Variants in ADAMTS16 observed in about 807,000 individuals in gnomAD.
ADAMTS16 encodes A disintegrin and metalloproteinase with thrombospondin motifs 16.
In ADAMTS16, 94 loss-of-function variants were observed where a neutral mutation model predicts 145.8. The ratio of observed to expected loss-of-function variants is 0.64; its 90% CI spans 0.55 to 0.77. The LOEUF (loss-of-function observed/expected upper bound fraction) is 0.77. Among genes scored for constraint, ADAMTS16 ranks in the 30% least tolerant of loss-of-function variants. The pLI, the probability that ADAMTS16 is intolerant of heterozygous loss-of-function variation, is 0.00. For missense variants in ADAMTS16, 1,585 were observed against 1,591.5 expected (o/e 1.00, Z 0.07); for synonymous variants, 659 against 604.3 (o/e 1.09, Z -1.33).
chr5:5,269,171 C>G lies in ADAMTS16; in HGVS notation c.2789+6388C>G, dbSNP rs375514503. Among the ~76,000 whole-genome samples, 5 of 152,076 alleles carry G rather than the reference C, an allele frequency of 3.3e-5. No individual in the cohort carries two copies. Among genetic ancestry groups the G allele is most frequent in the African/African-American group, 1.2e-4 (5 of 41,396 alleles). On this transcript the variant is annotated intron_variant, in intron 18 of 22. Transcript: ENST00000274181. This position sits in a 1 kb window ranked among gnomAD's most constrained non-coding sequence, Gnocchi z 4.3. ...CTCACTGCATGGCTGATCGTCCCAC[C>G]GCTCACTGCCCAGGACCCCGGAGCC... is the stretch of plus-strand genomic sequence containing the variant.
At chr5:5,311,982 G>A (rs906884445) in intron 21 of ADAMTS16, among the ~76,000 whole-genome samples, 1 of 152,182 alleles carries the variant, frequency 6.6e-6, no homozygotes, top group African/African-American at 2.4e-5. Flanking sequence ...CTCCCAAAGT[G>A]CTGGGATTAC....
intron 8 of ADAMTS16, among the ~76,000 whole-genome samples, chr5:5,198,264 C>A (rs373254002): frequency 3.9e-5 from 6 of 152,268 alleles, no homozygotes; most frequent in African/African-American, 1.4e-4. Flanking sequence ...AGGATTTCAG[C>A]CTGAATCTTT....
At chr5:5,216,249 G>A (rs1355641190) in intron 10 of ADAMTS16, among the ~76,000 whole-genome samples, 1 of 152,108 alleles carries the variant, frequency 6.6e-6, no homozygotes, top group Non-Finnish European at 1.5e-5. Context: ...GCAGGAGTAA[G>A]TGGTATTGCA....
chr5:5,316,869 C>T (rs148062425), intron 21 of ADAMTS16, among the ~76,000 whole-genome samples: 3 of 152,320 alleles, frequency 2.0e-5, no homozygotes, highest in Non-Finnish European at 2.9e-5. Flanking sequence ...ACTTCTTTCA[C>T]GCTAGGCTCA....
chr5:5,285,522 C>A (rs548229461), intron 18 of ADAMTS16, among the ~76,000 whole-genome samples: 6 of 152,222 alleles, frequency 3.9e-5, no homozygotes, highest in Non-Finnish European at 8.8e-5. Context: ...ATTTCTGCAC[C>A]TGTTTATTAA....
At chr5:5,304,555 C>G (rs1304202103) in intron 20 of ADAMTS16, among the ~76,000 whole-genome samples, 1 of 152,088 alleles carries the variant, frequency 6.6e-6, no homozygotes, top group Non-Finnish European at 1.5e-5. Flanking sequence ...GAAAGCTCCT[C>G]CCTGATCCCA....
Position 5,146,121 on chromosome 5 carries a change from T to G in ADAMTS16, c.176-9T>G. 6.2e-7 allele frequency: 1 copy of G among 1,608,652 alleles called. No individual in the cohort carries two copies. On this transcript the variant is annotated splice_polypyrimidine_tract_variant and intron_variant, in intron 2 of 22. Coordinates refer to ENST00000274181, the MANE Select transcript of ADAMTS16 (RefSeq NM_139056.4). ...ATGACTCAGCCTCTGCTCACTCTTTTGATTTCAGAATATGACCTGGTCTCT... is the reference window on the plus strand; with the variant it reads ...ATGACTCAGCCTCTGCTCACTCTTTGGATTTCAGAATATGACCTGGTCTCT...
At chr5:5,295,159 T>G (rs964000981) in intron 18 of ADAMTS16, among the ~76,000 whole-genome samples, 2 of 152,238 alleles carry the variant, frequency 1.3e-5, no homozygotes, top group Admixed American at 1.3e-4. Flanking sequence ...TCATAAAACA[T>G]GCTCATTGCA....
intron 18 of ADAMTS16, among the ~76,000 whole-genome samples, chr5:5,266,694 T>A (rs1299513043): frequency 2.0e-5 from 3 of 152,104 alleles, no homozygotes; most frequent in Admixed American, 1.3e-4. Flanking sequence ...GGAAGGGAGC[T>A]CTCCTCCTCC....
rs1430645956 is a variant in ADAMTS16 at position 5,182,024 on chromosome 5, T to C, written c.502-20T>C. 6.3e-7 allele frequency: 1 copy of C among 1,578,934 alleles called. No individual in the cohort carries two copies. Among genetic ancestry groups the C allele is most frequent in the Non-Finnish European group, 8.6e-7 (1 of 1,163,120 alleles). On this transcript the variant is annotated intron_variant, in intron 3 of 22. Coordinates refer to ENST00000274181, the MANE Select transcript of ADAMTS16 (RefSeq NM_139056.4). ...AGAAAGTCTAATTGTGTTTTCTTTC[T>C]TTCCTTTTATTTTTTCCAGTCAGGC...
chr5:5,275,883 C>T (rs987885049), intron 18 of ADAMTS16, among the ~76,000 whole-genome samples: 114 of 148,114 alleles, frequency 7.7e-4, no homozygotes, highest in Non-Finnish European at 1.2e-3. Flanking sequence ...TTTTTTAAGA[C>T]GGCGTCGTAC....
chr5:5,160,812 A>G (rs1325975732), intron 3 of ADAMTS16, among the ~76,000 whole-genome samples: 4 of 151,422 alleles, frequency 2.6e-5, no homozygotes, highest in African/African-American at 9.7e-5. Flanking sequence ...ACATGTGTGC[A>G]CCATTGGCTG....
At chr5:5,245,680 A>C (rs1459250123) in intron 17 of ADAMTS16, among the ~76,000 whole-genome samples, 1 of 152,192 alleles carries the variant, frequency 6.6e-6, no homozygotes, top group African/African-American at 2.4e-5. Flanking sequence ...TTCATTCCAG[A>C]AACATTACTT....
At chr5:5,245,300 A>T (rs981661835) in intron 17 of ADAMTS16, among the ~76,000 whole-genome samples, 1 of 152,142 alleles carries the variant, frequency 6.6e-6, no homozygotes, top group Non-Finnish European at 1.5e-5. Context: ...TTGATATTGG[A>T]GGGTGAAAAT....
intron 18 of ADAMTS16, among the ~76,000 whole-genome samples, chr5:5,285,818 G>C (rs1409864485): frequency 2.6e-5 from 4 of 152,132 alleles, no homozygotes; most frequent in African/African-American, 9.7e-5. Flanking sequence ...CCATATATTA[G>C]ATATCTGCAT....
intron 3 of ADAMTS16, among the ~76,000 whole-genome samples, chr5:5,176,377 G>A (rs947306961): frequency 1.3e-5 from 2 of 152,174 alleles, no homozygotes; most frequent in Admixed American, 6.5e-5. Flanking sequence ...CAGGGATGGA[G>A]GAAGTCACAA....
At chr5:5,230,937 C>A (rs750693977) in intron 11 of ADAMTS16, among the ~76,000 whole-genome samples, 2 of 152,194 alleles carry the variant, frequency 1.3e-5, no homozygotes, top group African/African-American at 4.8e-5. Context: ...AGTTATTCAA[C>A]CTGTTGAAAT....
chr5:5,309,533 CG>C (rs1281507367), intron 21 of ADAMTS16, among the ~76,000 whole-genome samples: 1 of 152,122 alleles, frequency 6.6e-6, no homozygotes, highest in Non-Finnish European at 1.5e-5. Flanking sequence ...GAGCGGGTCC[CG>C]GCAGCTACTA....
intron 14 of ADAMTS16, 97 bp from the exon 15 acceptor site, chr5:5,239,054 C>G: frequency 7.5e-7 from 1 of 1,327,574 alleles, no homozygotes; most frequent in Non-Finnish European, 9.8e-7. Flanking sequence ...AAATTTTCAA[C>G]TCTAGTGGGG....
Sources: allele counts gnomAD v4.1 joint callset (sites outside exome capture counted in the v4.1 genomes callset), GRCh38; gene constraint gnomAD v4.1.1; non-coding constraint Gnocchi (gnomAD v3.1); transcripts MANE v1.5; gene names NCBI Gene and HGNC (gene_info 2026-07-23, HGNC 2026-07-21).